The following MAML3 variants were observed in gnomAD, a reference collection of about 807,000 sequenced individuals.
MAML3 encodes the protein mastermind like transcriptional coactivator 3.
In MAML3, 27 loss-of-function variants were observed where a neutral mutation model predicts 101.9. That is an observed-to-expected ratio of 0.27 (90% CI 0.20 to 0.37). The LOEUF is 0.37. Among genes scored for constraint, MAML3 ranks in the 10% least tolerant of loss-of-function variants. MAML3 has a pLI of 1.00. For synonymous variants in MAML3, 501 were observed against 555.9 expected, an observed-to-expected ratio of 0.90 and a Z score of 1.39; for missense variants, 1,316 against 1,444.9, an observed-to-expected ratio of 0.91 and a Z score of 1.45.
chr4:139,948,472 T>G (rs1286004680), intron 1 of MAML3, among the ~76,000 whole-genome samples: 2 of 152,232 alleles, frequency 1.3e-5, no homozygotes, highest in Non-Finnish European at 2.9e-5. Context: ...CATAGGTGTA[T>G]TAGCTCATTA....
intron 2 of MAML3, among the ~76,000 whole-genome samples, chr4:139,777,974 C>T (rs1017100037): frequency 6.6e-6 from 1 of 152,178 alleles, no homozygotes; most frequent in African/African-American, 2.4e-5. Context: ...CTTCCCTTGG[C>T]TGGCTCCTTT....
At chr4:139,944,971 A>G (rs1468815498) in intron 1 of MAML3, among the ~76,000 whole-genome samples, 1 of 151,614 alleles carries the variant, frequency 6.6e-6, no homozygotes, top group Non-Finnish European at 1.5e-5. Flanking sequence ...ATGACTATAA[A>G]TCATGCTGCT....
chr4:140,100,127 C>A (rs543014291), intron 1 of MAML3, among the ~76,000 whole-genome samples: 1 of 151,820 alleles, frequency 6.6e-6, no homozygotes, highest in African/African-American at 2.4e-5. Flanking sequence ...TGCATGGACT[C>A]TCACTGCCAC....
chr4:140,071,754 T>TCAGAGAGAGAGAGAGAGA (rs1328059871), intron 1 of MAML3, among the ~76,000 whole-genome samples: 1 of 66,736 alleles, frequency 1.5e-5, no homozygotes, highest in Non-Finnish European at 3.1e-5. Context: ...GGGACCAGGA[T>TCAGAGAGAGAGAGAGAGA]TAGAGAGAGA....
chr4:140,083,217 T>TC (rs1257370513), intron 1 of MAML3, among the ~76,000 whole-genome samples: 1 of 152,224 alleles, frequency 6.6e-6, no homozygotes, highest in Non-Finnish European at 1.5e-5. Flanking sequence ...ACATTACAGC[T>TC]CACCTTCTGA....
At chr4:140,007,319 C>T (rs1726468751) in intron 1 of MAML3, among the ~76,000 whole-genome samples, 1 of 152,138 alleles carries the variant, frequency 6.6e-6, no homozygotes, top group Non-Finnish European at 1.5e-5. Context: ...CTCAAAGAGC[C>T]TAAAATCTAA....
At chr4:139,976,868 T>C (rs933281994) in intron 1 of MAML3, among the ~76,000 whole-genome samples, 1 of 152,104 alleles carries the variant, frequency 6.6e-6, no homozygotes, top group Non-Finnish European at 1.5e-5. Context: ...TGTCTGGAGA[T>C]AGTTTTCACG....
At chr4:139,901,375 T>TG (rs1732714920) in intron 1 of MAML3, among the ~76,000 whole-genome samples, 1 of 152,244 alleles carries the variant, frequency 6.6e-6, no homozygotes, top group African/African-American at 2.4e-5. Flanking sequence ...AACCCTGTAC[T>TG]GCTCTGTTGT....
At chr4:139,772,172 G>A (rs1353457719) in intron 2 of MAML3, among the ~76,000 whole-genome samples, 13 of 137,598 alleles carry the variant, frequency 9.4e-5, no homozygotes, top group African/African-American at 3.4e-4. Flanking sequence ...CCCGGGAGGC[G>A]CAGTTTGCAG....
chr4:139,885,638 A>G (rs1390724821), intron 2 of MAML3, among the ~76,000 whole-genome samples: 3 of 151,204 alleles, frequency 2.0e-5, no homozygotes, highest in African/African-American at 7.3e-5. Flanking sequence ...CAAAAAAAAA[A>G]GTAGGCCGGG....
chr4:139,763,388 T>G (rs1462285111), intron 2 of MAML3, among the ~76,000 whole-genome samples: 1 of 152,202 alleles, frequency 6.6e-6, no homozygotes, highest in Non-Finnish European at 1.5e-5. Flanking sequence ...CGGAGTCGGC[T>G]GCTGAGGGGG....
At chr4:140,099,897 T>C (rs1728227688) in intron 1 of MAML3, among the ~76,000 whole-genome samples, 1 of 152,116 alleles carries the variant, frequency 6.6e-6, no homozygotes, top group Admixed American at 6.6e-5. Context: ...ACAAACAACA[T>C]TCAAAAATCA....
chr4:139,902,243 GCA>G (rs1732738565), intron 1 of MAML3, among the ~76,000 whole-genome samples: 2 of 107,050 alleles, frequency 1.9e-5, no homozygotes, highest in South Asian at 3.6e-4. Context: ...ACGCAGGCGC[GCA>G]CGCACACGCA....
chr4:139,859,676 T>G (rs895748073), intron 2 of MAML3, among the ~76,000 whole-genome samples: 2 of 152,210 alleles, frequency 1.3e-5, no homozygotes, highest in Admixed American at 1.3e-4. Context: ...TCTTATTTAA[T>G]AGGCACAACA....
intron 1 of MAML3, among the ~76,000 whole-genome samples, chr4:140,128,294 G>C (rs1728716630): frequency 6.6e-6 from 1 of 152,198 alleles, no homozygotes; most frequent in South Asian, 2.1e-4. Context: ...TTTGAGAAGA[G>C]TTTAGATACA....
At chr4:139,834,697 T>C (rs1013723774) in intron 2 of MAML3, among the ~76,000 whole-genome samples, 4 of 152,220 alleles carry the variant, frequency 2.6e-5, no homozygotes, top group African/African-American at 7.2e-5. Context: ...GGTTGGAATA[T>C]AGCACAGTTC....
At chr4:139,919,266 ATCTC>A (rs1733080820) in intron 1 of MAML3, among the ~76,000 whole-genome samples, 1 of 152,184 alleles carries the variant, frequency 6.6e-6, no homozygotes, top group Non-Finnish European at 1.5e-5. Flanking sequence ...GGGATGAAGG[ATCTC>A]TCTAAGTCCC....
At position 139,717,973 on chromosome 4, in the gene MAML3, C is replaced by G. The variant is rs572607994; in HGVS notation, c.*1350G>C. 6.6e-6 allele frequency: 1 copy of G among 152,328 alleles called. No homozygotes were observed. The highest frequency in any genetic ancestry group is 2.1e-4 in the South Asian group (1 of 4,830). The allele number at this position is 152,328 out of a possible 1,614,324, so 9.4% of individuals were successfully genotyped here. A position where few individuals can be genotyped will look rare whatever the true frequency, so the allele number is the denominator to read the frequency against. On this transcript the variant is annotated 3_prime_UTR_variant, in exon 5 of 5. Coordinates refer to ENST00000509479, the MANE Select transcript of MAML3 (RefSeq NM_018717.5). ...TGCCCATATGAAATAAACTACATCT[C>G]CTTTCTATCCAAATTTGTAAGGTGG... is the stretch of plus-strand genomic sequence containing the variant.
chr4:140,125,609 G>GT (rs1560901339), intron 1 of MAML3, among the ~76,000 whole-genome samples: 1 of 152,016 alleles, frequency 6.6e-6, no homozygotes, highest in Non-Finnish European at 1.5e-5. Context: ...GAAGGTACAG[G>GT]TTTTTTGTCT....
Sources: allele counts gnomAD v4.1 joint callset (sites outside exome capture counted in the v4.1 genomes callset), GRCh38; gene constraint gnomAD v4.1.1; transcripts MANE v1.5; gene names NCBI Gene and HGNC (gene_info 2026-07-23, HGNC 2026-07-21).